Variants in MYOCD observed in about 807,000 individuals in gnomAD.
MYOCD encodes the protein myocardin.
MYOCD carries 32 observed loss-of-function variants against 96.1 expected under a neutral mutation model. That is an observed-to-expected ratio of 0.33 (90% CI 0.25 to 0.45). The LOEUF (loss-of-function observed/expected upper bound fraction) is 0.45, where lower values mean the gene tolerates loss of function less well. Ranked by LOEUF, MYOCD falls within the 20% of genes least tolerant of loss-of-function variation. The pLI is 1.00. For synonymous variants in MYOCD, 469 were observed against 469.0 expected (o/e 1.00, Z 0.00); for missense variants, 1,133 against 1,200.6 (o/e 0.94, Z 0.83).
At chr17:12,723,580 A>G (rs1025029456) in intron 5 of MYOCD, among the ~76,000 whole-genome samples, 2 of 152,146 alleles carry the variant, frequency 1.3e-5, no homozygotes, top group South Asian at 4.1e-4. Context: ...AGACACAAAT[A>G]CTGATTCTGT....
chr17:12,726,939 TG>T lies in MYOCD; in HGVS notation c.415+3932del, dbSNP rs1273290303. Among the ~76,000 whole-genome samples the T allele has an allele frequency of 5.9e-5, 9 of 152,270 alleles. No individual in the cohort carries two copies. In the East Asian group the frequency reaches 1.7e-3, roughly 29 times the overall value. ...GTCCACTCAAATTTTCTCCTTAATTTGTACAACTTACCTATTACTAAAAATT... is the reference window on the plus strand; with the variant it reads ...GTCCACTCAAATTTTCTCCTTAATTTTACAACTTACCTATTACTAAAAATT... On this transcript the variant is annotated intron_variant, in intron 5 of 13. Coordinates refer to ENST00000425538, the MANE Select transcript of MYOCD (RefSeq NM_001146312.3).
rs773648355 is a variant in MYOCD at position 12,753,312 on chromosome 17, C to T, written c.2024C>T (p.Ser675Phe). 2.9e-5 allele frequency: 47 copies of T among 1,608,824 alleles called. No individual in the cohort carries two copies. The highest frequency in any genetic ancestry group is 3.6e-5 in the Non-Finnish European group (42 of 1,177,352). The change falls in exon 10 of 14, where the codon TCC (serine) becomes TTC (phenylalanine). Residue 675 changes from serine to phenylalanine, a missense_variant. Transcript: ENST00000425538. ...GCCCAGGGAGAAGGGCACAGGGTCT[C>T]CTCGCCCATCAGCAGCCAGGTGTGC... ...SGAQGEGHRV[S>F]SPISSQVCTA...
intron 1 of MYOCD, among the ~76,000 whole-genome samples, chr17:12,666,659 C>T (rs1262349223): frequency 6.6e-6 from 1 of 152,032 alleles, no homozygotes; most frequent in African/African-American, 2.4e-5. Flanking sequence ...TAAAATGTAG[C>T]TAATCCAAAC....
intron 1 of MYOCD, among the ~76,000 whole-genome samples, chr17:12,698,140 A>G (rs754493999): frequency 1.3e-5 from 2 of 152,192 alleles, no homozygotes; most frequent in Admixed American, 6.5e-5. Flanking sequence ...GTAATCTTAT[A>G]AAAAGGGAGT....
chr17:12,756,632 G>T, intron 11 of MYOCD, 75 bp downstream of exon 11: 1 of 1,353,016 alleles, frequency 7.4e-7, no homozygotes. Context: ...GGAGGCAGAA[G>T]TTGCAGTGAG....
At chr17:12,689,069 T>G (rs1213375080) in intron 1 of MYOCD, among the ~76,000 whole-genome samples, 3 of 152,210 alleles carry the variant, frequency 2.0e-5, no homozygotes, top group Non-Finnish European at 2.9e-5. Flanking sequence ...CTTTTCTATT[T>G]CTTCTTCTTT....
At chr17:12,731,331 C>A (rs892448197) in intron 5 of MYOCD, among the ~76,000 whole-genome samples, 1 of 152,164 alleles carries the variant, frequency 6.6e-6, no homozygotes, top group Admixed American at 6.5e-5. Flanking sequence ...CACACTCCTC[C>A]TACTCTGAGG....
chr17:12,741,129 T>A (rs954871343), intron 7 of MYOCD, among the ~76,000 whole-genome samples: 7 of 152,182 alleles, frequency 4.6e-5, no homozygotes, highest in African/African-American at 1.7e-4. Context: ...CTTACGGGAC[T>A]TAAAAAAGAT....
intron 1 of MYOCD, among the ~76,000 whole-genome samples, chr17:12,672,510 G>A (rs1162624336): frequency 1.3e-5 from 2 of 152,182 alleles, no homozygotes; most frequent in Non-Finnish European, 2.9e-5. Flanking sequence ...AGAAAGAGGT[G>A]TCCAATTTTT....
chr17:12,750,005 A>G (rs138332025), intron 9 of MYOCD, among the ~76,000 whole-genome samples: 2 of 151,974 alleles, frequency 1.3e-5, no homozygotes, highest in South Asian at 4.2e-4. Context: ...GCCCGCCATC[A>G]TGCCCAGCTA....
chr17:12,709,490 G>C (rs1439385994), intron 2 of MYOCD, among the ~76,000 whole-genome samples: 1 of 152,196 alleles, frequency 6.6e-6, no homozygotes, highest in Non-Finnish European at 1.5e-5. Flanking sequence ...CAACTTAAGG[G>C]TTCTCAGACC....
At position 12,768,940 on chromosome 17, in the gene MYOCD, T is replaced by C. The variant is rs1018142796; in HGVS notation, c.*5296T>C. On this transcript the variant is annotated 3_prime_UTR_variant, in exon 14 of 14. Coordinates refer to ENST00000425538, the MANE Select transcript of MYOCD (RefSeq NM_001146312.3). Reference sequence around the variant, plus strand: ...ATATTTTTAAATAAAATGTTTATTTTAAAAAGAAATGTAAAACTTTTTTTT... The same window carrying C: ...ATATTTTTAAATAAAATGTTTATTTCAAAAAGAAATGTAAAACTTTTTTTT... 5.9e-5 allele frequency: 9 copies of C among 151,890 alleles called. No homozygotes were observed. Among genetic ancestry groups the C allele is most frequent in the Admixed American group, 3.9e-4 (6 of 15,250 alleles). The allele number at this position is 151,890 out of a possible 1,614,324, so 9.4% of individuals were successfully genotyped here.
chr17:12,752,923 G>A lies in MYOCD; in HGVS notation c.1635G>A (p.Leu545=). Residue 545 remains leucine (L), a synonymous_variant, in exon 10 of 14, where the codon CTG becomes CTA. Coordinates refer to ENST00000425538, the MANE Select transcript of MYOCD (RefSeq NM_001146312.3). Reference sequence around the variant, plus strand: ...AAGAGCAGAGGCAGGTGGAGGAGCTGAGGATGCAGCTTCAGAAGCAGAAAA... The same window carrying A: ...AAGAGCAGAGGCAGGTGGAGGAGCTAAGGATGCAGCTTCAGAAGCAGAAAA... ...LQQEQRQVEE[L]RMQLQKQKRN... is the part of the protein sequence containing the mutation. 6.2e-7 allele frequency: 1 copy of A among 1,614,136 alleles called. No individual in the cohort carries two copies. Among genetic ancestry groups the A allele is most frequent in the South Asian group, 1.1e-5 (1 of 91,082 alleles).
intron 1 of MYOCD, among the ~76,000 whole-genome samples, chr17:12,693,135 G>A (rs185741034): frequency 6.6e-6 from 1 of 152,090 alleles, no homozygotes; most frequent in African/African-American, 2.4e-5. Flanking sequence ...TGACTCAATA[G>A]GCTTCACACC....
intron 1 of MYOCD, among the ~76,000 whole-genome samples, chr17:12,681,804 A>T (rs1910484024): frequency 6.6e-6 from 1 of 152,142 alleles, no homozygotes; most frequent in African/African-American, 2.4e-5. Context: ...ATCGAGGGCT[A>T]CCTCAGTGAC....
At chr17:12,669,039 T>C (rs1398879992) in intron 1 of MYOCD, among the ~76,000 whole-genome samples, 1 of 152,210 alleles carries the variant, frequency 6.6e-6, no homozygotes, top group Non-Finnish European at 1.5e-5. Context: ...GTAACTGTGA[T>C]TGTGCTGTGT....
At chr17:12,669,758 A>T (rs1036257757) in intron 1 of MYOCD, among the ~76,000 whole-genome samples, 3 of 152,058 alleles carry the variant, frequency 2.0e-5, no homozygotes, top group African/African-American at 4.8e-5. Flanking sequence ...AGCTGGGACT[A>T]CAGGTGCCCG....
chr17:12,730,013 G>A (rs2032121098), intron 5 of MYOCD, among the ~76,000 whole-genome samples: 1 of 152,120 alleles, frequency 6.6e-6, no homozygotes, highest in South Asian at 2.1e-4. Flanking sequence ...CAGGCATACT[G>A]GTGCATGCCT....
intron 1 of MYOCD, among the ~76,000 whole-genome samples, chr17:12,669,566 T>A (rs1041423947): frequency 6.6e-6 from 1 of 152,166 alleles, no homozygotes; most frequent in African/African-American, 2.4e-5. Flanking sequence ...AATCCAAATT[T>A]CACTAGGCCC....
Sources: allele counts gnomAD v4.1 joint callset (sites outside exome capture counted in the v4.1 genomes callset), GRCh38; gene constraint gnomAD v4.1.1; transcripts MANE v1.5; gene names NCBI Gene and HGNC (gene_info 2026-07-23, HGNC 2026-07-21).